The following PARD3 variants were observed in gnomAD, a reference collection of about 807,000 sequenced individuals.
PARD3 encodes the protein partitioning defective 3 homolog.
Under a neutral mutation model 155.4 loss-of-function variants are expected in PARD3, and 75 were observed. The observed-to-expected ratio is 0.48, with a 90% CI of 0.40 to 0.58. The LOEUF (loss-of-function observed/expected upper bound fraction) is 0.58, where lower values mean the gene tolerates loss of function less well. Ranked by LOEUF, PARD3 falls within the 20% of genes least tolerant of loss-of-function variation. The probability of loss-of-function intolerance (pLI) is 0.00; values close to 1 mark genes in which losing one functional copy is unlikely to be tolerated. For synonymous variants in PARD3, 576 were observed against 610.5 expected (o/e 0.94, Z 0.83); for missense variants, 1,642 against 1,721.7 (o/e 0.95, Z 0.82).
intron 2 of PARD3, among the ~76,000 whole-genome samples, chr10:34,557,027 C>G (rs765018484): frequency 3.9e-5 from 6 of 152,158 alleles, no homozygotes; most frequent in African/African-American, 7.2e-5. Context: ...GTTATATGTT[C>G]TTCCTCAGCC....
chr10:34,137,957 T>C (rs1168618780), intron 22 of PARD3, among the ~76,000 whole-genome samples: 1 of 152,188 alleles, frequency 6.6e-6, no homozygotes, highest in Non-Finnish European at 1.5e-5. Context: ...ACCCCATCAC[T>C]TTAAACAGCA....
At chr10:34,627,813 CA>C (rs1336238463) in intron 2 of PARD3, among the ~76,000 whole-genome samples, 1 of 152,190 alleles carries the variant, frequency 6.6e-6, no homozygotes, top group Non-Finnish European at 1.5e-5. Flanking sequence ...TCAAAACTAA[CA>C]GACCATACAT....
rs574079503 is a variant in PARD3 at position 34,628,020 on chromosome 10, C to T, written c.222+68298G>A. Among the ~76,000 whole-genome samples, 3 of 152,186 alleles carry T rather than the reference C, an allele frequency of 2.0e-5. 1 individual carries two copies. The highest frequency in any genetic ancestry group is 4.2e-4 in the South Asian group (2 of 4,796). Reference sequence around the variant, plus strand: ...AGGCAGAAGAGGTGCTGAGTTTACACGTTGTGCCCTAATCTGCCCCACTCT... The same window carrying T: ...AGGCAGAAGAGGTGCTGAGTTTACATGTTGTGCCCTAATCTGCCCCACTCT... On this transcript the variant is annotated intron_variant, in intron 2 of 24. Coordinates refer to ENST00000374788, the MANE Select transcript of PARD3 (RefSeq NM_001184785.2).
chr10:34,444,204 A>G (rs1022804334), intron 5 of PARD3, among the ~76,000 whole-genome samples: 1 of 152,210 alleles, frequency 6.6e-6, no homozygotes, highest in African/African-American at 2.4e-5. Flanking sequence ...AGGCCTATTC[A>G]ACAAGAGAAG....
chr10:34,483,014 G>T (rs887684226), intron 3 of PARD3, among the ~76,000 whole-genome samples: 1 of 151,790 alleles, frequency 6.6e-6, no homozygotes, highest in Non-Finnish European at 1.5e-5. Context: ...AAATTAGCCA[G>T]GTGTGGTGGT....
In PARD3 at chr10:34,322,578, CA is replaced by C. The variant is rs1470615429; in HGVS notation, c.2834-5241del. ...TAAATATCATTTTAGGTAGCTTTGGCAATTTTACTAGATTTAAATAATTTGT... is the reference window on the plus strand; with the variant it reads ...TAAATATCATTTTAGGTAGCTTTGGCATTTTACTAGATTTAAATAATTTGT... On this transcript the variant is annotated intron_variant, in intron 19 of 24. Coordinates refer to ENST00000374788, the MANE Select transcript of PARD3 (RefSeq NM_001184785.2). Among the ~76,000 whole-genome samples, 13 of 152,096 alleles carry C rather than the reference CA, an allele frequency of 8.5e-5. No homozygotes were observed. The East Asian group carries it at 2.3e-3, about 27-fold the overall frequency.
chr10:34,400,443 G>C (rs1490773597), intron 6 of PARD3, among the ~76,000 whole-genome samples: 1 of 152,114 alleles, frequency 6.6e-6, no homozygotes, highest in Admixed American at 6.5e-5. Flanking sequence ...CTATTTAAAT[G>C]AGATTTTTCT....
intron 9 of PARD3, among the ~76,000 whole-genome samples, chr10:34,382,229 TTC>T (rs1459717012): frequency 6.6e-6 from 1 of 152,208 alleles, no homozygotes; most frequent in Non-Finnish European, 1.5e-5. Flanking sequence ...TGAAGCCATT[TTC>T]TTTCACAATC....
intron 2 of PARD3, among the ~76,000 whole-genome samples, chr10:34,658,528 G>A (rs1179121544): frequency 6.6e-6 from 1 of 152,224 alleles, no homozygotes; most frequent in South Asian, 2.1e-4. Context: ...GCTGGGGGCT[G>A]GGGCTGAGGC....
At chr10:34,599,067 G>A (rs920292795) in intron 2 of PARD3, among the ~76,000 whole-genome samples, 29 of 151,978 alleles carry the variant, frequency 1.9e-4, no homozygotes, top group Admixed American at 8.5e-4. Flanking sequence ...GCCTGAAAGC[G>A]TTCCCCATTC....
intron 21 of PARD3, among the ~76,000 whole-genome samples, chr10:34,274,885 A>G (rs1955801803): frequency 6.6e-6 from 1 of 152,174 alleles, no homozygotes; most frequent in Admixed American, 6.6e-5. Context: ...GGAGGCATAA[A>G]CCTAAATAAT....
At chr10:34,315,259 T>C (rs948913577) in intron 20 of PARD3, among the ~76,000 whole-genome samples, 1 of 152,146 alleles carries the variant, frequency 6.6e-6, no homozygotes, top group Non-Finnish European at 1.5e-5. Flanking sequence ...TTAGAAACAA[T>C]ACACATTTCT....
At chr10:34,619,961 TC>T (rs1773752444) in intron 2 of PARD3, among the ~76,000 whole-genome samples, 1 of 152,094 alleles carries the variant, frequency 6.6e-6, no homozygotes. Flanking sequence ...TGAAGGTTCA[TC>T]CCTTCATGCA....
intron 22 of PARD3, among the ~76,000 whole-genome samples, chr10:34,148,075 T>TTTGGTCATTA (rs1175201811): frequency 6.6e-6 from 1 of 152,126 alleles, no homozygotes; most frequent in Non-Finnish European, 1.5e-5. Context: ...ACTAATGATG[T>TTTGGTCATTA]GTTTGGAAGC....
intron 1 of PARD3, among the ~76,000 whole-genome samples, chr10:34,735,388 T>A (rs967587611): frequency 6.6e-6 from 1 of 152,214 alleles, no homozygotes; most frequent in African/African-American, 2.4e-5. Context: ...CAAGATATTA[T>A]GGAATATGCA....
At chr10:34,665,773 G>C (rs1221151422) in intron 2 of PARD3, among the ~76,000 whole-genome samples, 1 of 150,980 alleles carries the variant, frequency 6.6e-6, no homozygotes, top group Non-Finnish European at 1.5e-5. Flanking sequence ...AGGAGGCGGA[G>C]GTTGCAGTGA....
chr10:34,198,062 A>G (rs906870235), intron 22 of PARD3, among the ~76,000 whole-genome samples: 2 of 152,216 alleles, frequency 1.3e-5, no homozygotes, highest in African/African-American at 4.8e-5. Context: ...CTAAAAGTGA[A>G]AAATGGTTTT....
chr10:34,128,313 A>G (rs969070454), intron 23 of PARD3, among the ~76,000 whole-genome samples: 35 of 152,332 alleles, frequency 2.3e-4, no homozygotes, highest in Non-Finnish European at 5.0e-4. Context: ...TGCCTATTCA[A>G]TCTGAAGACA....
At chr10:34,719,556 C>T (rs764448281) in intron 1 of PARD3, among the ~76,000 whole-genome samples, 6 of 152,164 alleles carry the variant, frequency 3.9e-5, no homozygotes, top group African/African-American at 1.2e-4. Flanking sequence ...CGTTTGACAA[C>T]TGGGGCCAGA....
Sources: allele counts gnomAD v4.1 joint callset (sites outside exome capture counted in the v4.1 genomes callset), GRCh38; gene constraint gnomAD v4.1.1; transcripts MANE v1.5; gene names NCBI Gene and HGNC (gene_info 2026-07-23, HGNC 2026-07-21).